The following ACVR1 variants were observed in gnomAD, a reference collection of about 807,000 sequenced individuals.
ACVR1 encodes activin receptor type-1.
In ACVR1, 38 loss-of-function variants were observed where a neutral mutation model predicts 57.1. The ratio of observed to expected loss-of-function variants is 0.67; its 90% CI spans 0.51 to 0.87. ACVR1 has a LOEUF of 0.87. Ranked by LOEUF, ACVR1 falls within the 40% of genes least tolerant of loss-of-function variation. ACVR1 has a pLI of 0.00. For synonymous variants in ACVR1, 212 were observed against 228.1 expected, an observed-to-expected ratio of 0.93 and a Z score of 0.63; for missense variants, 463 against 638.2, an observed-to-expected ratio of 0.73 and a Z score of 2.96.
chr2:157,797,915 C>G (rs1251177738), intron 3 of ACVR1, among the ~76,000 whole-genome samples: 2 of 152,128 alleles, frequency 1.3e-5, no homozygotes, highest in African/African-American at 4.8e-5. Flanking sequence ...GCTAGCTAGC[C>G]CCTTCTACCA....
chr2:157,817,103 G>C (rs565213453), intron 2 of ACVR1, among the ~76,000 whole-genome samples: 32 of 152,082 alleles, frequency 2.1e-4, no homozygotes, highest in Admixed American at 1.6e-3. Context: ...GGGAATACAC[G>C]AACCTGCCAA....
chr2:157,797,540 A>G (rs969074458), intron 3 of ACVR1, among the ~76,000 whole-genome samples: 1 of 152,202 alleles, frequency 6.6e-6, no homozygotes, highest in African/African-American at 2.4e-5. Flanking sequence ...CTCTATCTAG[A>G]AAGATATATA....
chr2:157,826,358 G>A (rs62175463), intron 1 of ACVR1, among the ~76,000 whole-genome samples: 1 of 152,202 alleles, frequency 6.6e-6, no homozygotes, highest in Admixed American at 6.5e-5. Context: ...CATGAATGAA[G>A]TTTAAAATTA....
intron 4 of ACVR1, 49 bp from the exon 5 acceptor site, chr2:157,778,391 C>T (rs1297787941): frequency 6.8e-7 from 1 of 1,465,008 alleles, no homozygotes; most frequent in Non-Finnish European, 9.5e-7. Context: ...TCACTGCTTA[C>T]TTATTATTAG....
chr2:157,748,743 C>T (rs772244433), intron 9 of ACVR1, among the ~76,000 whole-genome samples: 7 of 152,044 alleles, frequency 4.6e-5, no homozygotes, highest in Non-Finnish European at 7.4e-5. Flanking sequence ...ATCCACTCTG[C>T]TATTAGGAAA....
intron 1 of ACVR1, among the ~76,000 whole-genome samples, chr2:157,866,694 G>T (rs564385827): frequency 1.3e-5 from 2 of 152,182 alleles, no homozygotes; most frequent in East Asian, 1.9e-4. Context: ...CCATCAAACA[G>T]CATGTCTGCC....
In ACVR1 at chr2:157,737,355, A is replaced by T. The variant is rs1684571878; in HGVS notation, c.*176T>A. ...CAGTTCACAGTCATCGAGCGAGGTT[A>T]GGGTGGTTTTGATGTCTCCCCAACA... On this transcript the variant is annotated 3_prime_UTR_variant, in exon 11 of 11. Transcript: ENST00000434821. 5 of 745,226 alleles carry T rather than the reference A, an allele frequency of 6.7e-6. No individual in the cohort carries two copies. The highest frequency in any genetic ancestry group is 6.2e-5 in the Admixed American group (3 of 48,484). 46.2% of individuals were successfully genotyped at this position (745,226 alleles called of 1,614,324 possible).
chr2:157,852,460 G>C (rs1689350279), intron 1 of ACVR1, among the ~76,000 whole-genome samples: 1 of 144,966 alleles, frequency 6.9e-6, no homozygotes, highest in Non-Finnish European at 1.5e-5. Context: ...TCATGCCACT[G>C]TACTATACAG....
intron 3 of ACVR1, among the ~76,000 whole-genome samples, chr2:157,789,625 C>T (rs1686834504): frequency 6.6e-6 from 1 of 152,172 alleles, no homozygotes; most frequent in Non-Finnish European, 1.5e-5. Context: ...GGCAAGCTTA[C>T]TGAGGAGATT....
intron 1 of ACVR1, among the ~76,000 whole-genome samples, chr2:157,872,445 G>T (rs1690141487): frequency 6.6e-6 from 1 of 152,186 alleles, no homozygotes; most frequent in African/African-American, 2.4e-5. Flanking sequence ...AGGTGATGCT[G>T]AAAAGTGCTA....
chr2:157,780,088 T>C (rs956086023), intron 4 of ACVR1, among the ~76,000 whole-genome samples: 1 of 152,234 alleles, frequency 6.6e-6, no homozygotes, highest in African/African-American at 2.4e-5. Context: ...GAAAGCTAAC[T>C]GGTCAGCTAA....
At chr2:157,762,374 A>G (rs1277536447) in intron 8 of ACVR1, among the ~76,000 whole-genome samples, 1 of 152,260 alleles carries the variant, frequency 6.6e-6, no homozygotes, top group Non-Finnish European at 1.5e-5. Flanking sequence ...ATAGGTATGT[A>G]ATAGGAAAAA....
chr2:157,755,345 C>T (rs1448735541), intron 9 of ACVR1, among the ~76,000 whole-genome samples: 6 of 151,848 alleles, frequency 4.0e-5, no homozygotes, highest in Non-Finnish European at 7.4e-5. Context: ...ATGATATAAC[C>T]GTATACCTAG....
At chr2:157,818,016 C>G (rs368366999) in intron 2 of ACVR1, among the ~76,000 whole-genome samples, 4 of 131,546 alleles carry the variant, frequency 3.0e-5, no homozygotes, top group Non-Finnish European at 6.8e-5. Context: ...AAAAAAAAAA[C>G]AAAAGAAAAG....
At chr2:157,782,314 C>T (rs1686552289) in intron 3 of ACVR1, among the ~76,000 whole-genome samples, 1 of 152,196 alleles carries the variant, frequency 6.6e-6, no homozygotes, top group Non-Finnish European at 1.5e-5. Context: ...ACAAGGGGCT[C>T]ATCCAAGAGC....
chr2:157,797,091 C>A (rs1687151210), intron 3 of ACVR1, among the ~76,000 whole-genome samples: 1 of 152,172 alleles, frequency 6.6e-6, no homozygotes, highest in African/African-American at 2.4e-5. Flanking sequence ...TTATTGTCTT[C>A]AAAATCCAGC....
chr2:157,816,202 T>A (rs1246427201), intron 2 of ACVR1, among the ~76,000 whole-genome samples: 1 of 152,206 alleles, frequency 6.6e-6, no homozygotes, highest in Non-Finnish European at 1.5e-5. Context: ...AATGGGAAAG[T>A]TTGTATTCCA....
intron 1 of ACVR1, among the ~76,000 whole-genome samples, chr2:157,831,519 G>A (rs1374902701): frequency 6.6e-6 from 1 of 152,108 alleles, no homozygotes; most frequent in African/African-American, 2.4e-5. Context: ...AAAACAAATA[G>A]GTGCTTAGAA....
chr2:157,753,125 C>T (rs901584570), intron 9 of ACVR1, among the ~76,000 whole-genome samples: 12 of 152,118 alleles, frequency 7.9e-5, no homozygotes, highest in African/African-American at 2.4e-4. Context: ...AAAAGATATT[C>T]CATGCAAATG....
Sources: allele counts gnomAD v4.1 joint callset (sites outside exome capture counted in the v4.1 genomes callset), GRCh38; gene constraint gnomAD v4.1.1; transcripts MANE v1.5; gene names NCBI Gene and HGNC (gene_info 2026-07-23, HGNC 2026-07-21).